The following MYO16 variants were observed in gnomAD, a reference collection of about 807,000 sequenced individuals.
MYO16 encodes the protein myosin XVI.
Under a neutral mutation model 205.3 loss-of-function variants are expected in MYO16, and 94 were observed. The ratio of observed to expected loss-of-function variants is 0.46; its 90% CI spans 0.39 to 0.54. The LOEUF (loss-of-function observed/expected upper bound fraction) is 0.54, where lower values mean the gene tolerates loss of function less well. MYO16 is among the 20% of genes least tolerant of loss of function. The pLI, the probability that MYO16 is intolerant of heterozygous loss-of-function variation, is 0.00. For synonymous variants in MYO16, 988 were observed against 954.0 expected, an observed-to-expected ratio of 1.04 and a Z score of -0.66; for missense variants, 2,315 against 2,387.5, an observed-to-expected ratio of 0.97 and a Z score of 0.63.
In MYO16 at chr13:109,100,899, A is replaced by G; in HGVS notation, c.3438+12A>G. 1 of 1,600,798 alleles carries G rather than the reference A, an allele frequency of 6.2e-7. No individual in the cohort carries two copies. The highest frequency in any genetic ancestry group is 8.6e-7 in the Non-Finnish European group (1 of 1,168,532). ...TACAAGGCTGGCAGGTTGGTGACCT[A>G]CAAGCTATGAAAATAACATTTTAGG... On this transcript the variant is annotated intron_variant, in intron 28 of 34. Coordinates refer to ENST00000457511, the MANE Select transcript of MYO16 (RefSeq NM_001198950.3).
intron 23 of MYO16, among the ~76,000 whole-genome samples, chr13:109,027,061 G>A (rs1438578430): frequency 6.6e-6 from 1 of 152,158 alleles, no homozygotes; most frequent in Non-Finnish European, 1.5e-5. Context: ...AGTGCTGGAG[G>A]ATAGAAGTTC....
At chr13:108,876,439 T>C (rs1026129744) in intron 12 of MYO16, among the ~76,000 whole-genome samples, 1 of 152,214 alleles carries the variant, frequency 6.6e-6, no homozygotes, top group African/African-American at 2.4e-5. Context: ...TTTAATTATA[T>C]GATGTCTTAG....
chr13:108,510,021 A>G, the MYO16 span, among the ~76,000 whole-genome samples: 1 of 152,216 alleles, frequency 6.6e-6, no homozygotes, highest in South Asian at 2.1e-4. Context: ...GTCAAGTAAC[A>G]CCTGAAATAA....
At chr13:109,200,222 T>C (rs1206362960) in intron 34 of MYO16, among the ~76,000 whole-genome samples, 1 of 152,220 alleles carries the variant, frequency 6.6e-6, no homozygotes, top group Non-Finnish European at 1.5e-5. Flanking sequence ...TAACGTAACC[T>C]ATGAAAATTC....
At chr13:108,634,224 C>T (rs16972828) in intron 1 of MYO16, among the ~76,000 whole-genome samples, 10,424 of 152,200 alleles carry the variant, frequency 0.068, 500 homozygotes, top group East Asian at 0.18. Context: ...ACTCCAATCT[C>T]CCAGGCTGAG....
chr13:109,094,091 C>T (rs942829440), intron 27 of MYO16, among the ~76,000 whole-genome samples: 3 of 152,210 alleles, frequency 2.0e-5, no homozygotes, highest in Admixed American at 2.0e-4. Flanking sequence ...CCCACTCCAC[C>T]GGGACTACAG....
At position 108,866,182 on chromosome 13, in the gene MYO16, C is replaced by G; in HGVS notation, c.1365C>G (p.Phe455Leu). ...KRFGNNQIYT[F>L]IGDILLLVNP... ...TTGCATCCCTTTTTTCACAGACATT[C>G]ATTGGAGACATTCTTTTGCTTGTTA... The change falls in exon 12 of 35, where the codon TTC becomes TTG. Residue 455 changes from phenylalanine (F) to leucine (L), a missense_variant. Physicochemically the swap from Phe to Leu is conservative, Grantham distance 22. Around this residue, in one of 3 missense-constraint regions of MYO16, gnomAD observed 1,213 missense variants for 1,274.4 expected, o/e 0.95. Coordinates refer to ENST00000457511, the MANE Select transcript of MYO16 (RefSeq NM_001198950.3). 2 of 1,600,974 alleles carry G rather than the reference C, an allele frequency of 1.2e-6. No individual in the cohort carries two copies. Among genetic ancestry groups the G allele is most frequent in the Non-Finnish European group, 1.7e-6 (2 of 1,172,060 alleles).
At chr13:108,642,541 C>T (rs1363834865) in intron 1 of MYO16, among the ~76,000 whole-genome samples, 1 of 152,082 alleles carries the variant, frequency 6.6e-6, no homozygotes, top group African/African-American at 2.4e-5. Context: ...CCTCAGCCTC[C>T]CGAGTAGCTG....
chr13:109,179,901 G>T (rs1208941648), intron 34 of MYO16, among the ~76,000 whole-genome samples: 3 of 152,152 alleles, frequency 2.0e-5, no homozygotes, highest in Admixed American at 1.3e-4. Flanking sequence ...AATTTATATT[G>T]TGGTACTTTA....
intron 28 of MYO16, chr13:109,101,858 T>G (rs894265705): frequency 4.6e-5 from 7 of 152,140 alleles, no homozygotes; most frequent in Admixed American, 1.3e-4. Flanking sequence ...ATATGATAAT[T>G]GATGAGTCAA....
intron 27 of MYO16, among the ~76,000 whole-genome samples, chr13:109,094,556 G>T (rs1489597133): frequency 6.6e-6 from 1 of 152,078 alleles, no homozygotes; most frequent in African/African-American, 2.4e-5. Context: ...TTTAAGCTCT[G>T]GGATACATGT....
the MYO16 span, among the ~76,000 whole-genome samples, chr13:108,572,687 A>G: frequency 6.6e-6 from 1 of 152,162 alleles, no homozygotes; most frequent in Admixed American, 6.5e-5. Context: ...AGGTTACTGA[A>G]AATGTTACTC....
intron 17 of MYO16, 72 bp downstream of exon 17, chr13:108,957,871 A>C (rs983146180): frequency 8.3e-7 from 1 of 1,200,236 alleles, no homozygotes; most frequent in Admixed American, 2.0e-5. Context: ...TTCATTCAAA[A>C]GCATTTACTG....
chr13:108,964,968 C>G, intron 20 of MYO16, 66 bp downstream of exon 20: 1 of 1,517,050 alleles, frequency 6.6e-7, no homozygotes, highest in Non-Finnish European at 9.0e-7. Flanking sequence ...GGCTCAACTC[C>G]AAAAGCAGCT....
intron 9 of MYO16, among the ~76,000 whole-genome samples, chr13:108,841,083 C>T (rs1196694506): frequency 6.6e-6 from 1 of 152,042 alleles, no homozygotes; most frequent in Non-Finnish European, 1.5e-5. Flanking sequence ...CTCTAATTGC[C>T]AGATAATTTT....
intron 11 of MYO16, 79 bp downstream of exon 11, chr13:108,855,632 T>C (rs757478001): frequency 3.0e-6 from 3 of 1,003,982 alleles, no homozygotes; most frequent in Non-Finnish European, 4.3e-6. Context: ...CTTCAAATGT[T>C]GCAAGTAAAG....
At chr13:108,565,103 C>A in the MYO16 span, among the ~76,000 whole-genome samples, 1 of 152,204 alleles carries the variant, frequency 6.6e-6, no homozygotes, top group Admixed American at 6.5e-5. Flanking sequence ...CAGCTTTATT[C>A]TTTTTCCTCA....
intron 7 of MYO16, among the ~76,000 whole-genome samples, chr13:108,813,127 G>A (rs1887346315): frequency 6.6e-6 from 1 of 152,124 alleles, no homozygotes; most frequent in Admixed American, 6.6e-5. Context: ...AATAAAAGAG[G>A]AGTGTTTCAG....
chr13:109,035,342 A>G (rs1321120132), intron 23 of MYO16, among the ~76,000 whole-genome samples: 2 of 152,134 alleles, frequency 1.3e-5, no homozygotes, highest in Middle Eastern at 3.2e-3. Context: ...AAATACGTCA[A>G]TATCTGCTCT....
Sources: gnomAD v4.1 joint callset for allele counts (sites outside exome capture counted in the v4.1 genomes callset) on GRCh38, gnomAD v4.1.1 for gene constraint, gnomAD v4.1.1 regional missense constraint, MANE v1.5 for transcripts, NCBI Gene and HGNC (gene_info 2026-07-23, HGNC 2026-07-21) for gene names.